Variants in LRP2 observed in about 807,000 individuals in gnomAD.
LRP2 encodes LDL receptor related protein 2, also known as low-density lipoprotein receptor-related protein 2.
LRP2 carries 172 observed loss-of-function variants against 531.0 expected under a neutral mutation model. That is an observed-to-expected ratio of 0.32 (90% confidence interval 0.29 to 0.37). The LOEUF is 0.37. Ranked by LOEUF, LRP2 falls within the 10% of genes least tolerant of loss-of-function variation. The pLI, the probability that LRP2 is intolerant of heterozygous loss-of-function variation, is 1.00. For synonymous variants in LRP2, 1,992 were observed against 2,027.6 expected (o/e 0.98, Z 0.47); for missense variants, 5,167 against 5,868.3 (o/e 0.88, Z 3.90).
In LRP2 at chr2:169,271,008, T is replaced by C. The variant is rs1683399681; in HGVS notation, c.2216A>G (p.Asn739Ser). 1.2e-6 allele frequency: 2 copies of C among 1,613,122 alleles called. No homozygotes were observed. Among genetic ancestry groups the C allele is most frequent in the African/African-American group, 2.7e-5 (2 of 74,802 alleles). ...ATCAATCCCGACAAAGAAAGAAGGA[T>C]TCCCCGAAACTGGAACCATGACATC... is the stretch of plus-strand genomic sequence containing the variant. ...QEDVMVPVSG[N>S]PSFFVGIDFD... Residue 739 changes from asparagine (N) to serine (S), a missense_variant, in exon 16 of 79, where the codon AAT becomes AGT. Asn to Ser is a conservative substitution (Grantham distance 46, BLOSUM62 1). This residue lies in a region of LRP2 where 2,811 missense variants were observed against 3,058.0 expected (regional missense o/e 0.92). Transcript: ENST00000649046.
intron 1 of LRP2, among the ~76,000 whole-genome samples, chr2:169,348,461 C>T (rs192826837): frequency 5.6e-4 from 85 of 152,290 alleles, no homozygotes; most frequent in Non-Finnish European, 7.6e-4. Flanking sequence ...GATGTTCTTT[C>T]CACCACAATC....
chr2:169,242,912 A>G (rs769972518), intron 24 of LRP2, 44 bp downstream of exon 24: 2 of 1,417,366 alleles, frequency 1.4e-6, no homozygotes, highest in African/African-American at 2.8e-5. Flanking sequence ...GGCAAAAATG[A>G]AATGACCCCT....
At chr2:169,176,117 T>A (rs1176177113) in intron 54 of LRP2, among the ~76,000 whole-genome samples, 1 of 152,242 alleles carries the variant, frequency 6.6e-6, no homozygotes, top group Non-Finnish European at 1.5e-5. Flanking sequence ...AGTATGTACT[T>A]ATATACACTC....
chr2:169,154,936 A>T (rs567556722), intron 65 of LRP2, among the ~76,000 whole-genome samples: 4 of 152,322 alleles, frequency 2.6e-5, no homozygotes, highest in African/African-American at 9.6e-5. Context: ...ATTTACTGAC[A>T]TCAAAACAGA....
At chr2:169,325,394 A>G (rs1477490451) in intron 1 of LRP2, among the ~76,000 whole-genome samples, 1 of 152,248 alleles carries the variant, frequency 6.6e-6, no homozygotes, top group Non-Finnish European at 1.5e-5. Flanking sequence ...AACAAATTTA[A>G]GAGGCAATTC....
At chr2:169,254,509 G>T (rs1381577863) in intron 19 of LRP2, among the ~76,000 whole-genome samples, 1 of 66,822 alleles carries the variant, frequency 1.5e-5, no homozygotes, top group Non-Finnish European at 2.7e-5. Context: ...CGGGGGAGGG[G>T]GGAGGGATAG....
intron 43 of LRP2, 98 bp from the exon 44 acceptor site, chr2:169,201,968 A>T: frequency 6.6e-7 from 1 of 1,511,872 alleles, no homozygotes. Flanking sequence ...CTTTGAATTT[A>T]CCTTCCAAGG....
At position 169,162,575 on chromosome 2, in the gene LRP2, A is replaced by G. The variant is rs990522359; in HGVS notation, c.11784T>C (p.Cys3928=). The G allele has an allele frequency of 1.9e-6, 3 of 1,614,092 alleles. No homozygotes were observed. The African/African-American group carries it at 4.0e-5, about 22-fold the overall frequency. ...TGCCACACTTATATTCATATTCTGT[A>G]CAAGGTTTAGGGGTCGGTTTTCTAC... The part of the protein sequence containing the change: ...EHCRKPTPKP[C]TEYEYKCGNG... The change falls in exon 63 of 79, where the codon TGT becomes TGC. Residue 3928 remains cysteine, a synonymous_variant. Coordinates refer to ENST00000649046, the MANE Select transcript of LRP2 (RefSeq NM_004525.3).
chr2:169,137,476 C>T lies in LRP2; in HGVS notation c.13536G>A (p.Met4512Ile). 2.5e-6 allele frequency: 4 copies of T among 1,610,380 alleles called. No individual in the cohort carries two copies. The highest frequency in any genetic ancestry group is 3.4e-6 in the Non-Finnish European group (4 of 1,176,806). ...ATATTATGGGCTGCTTCCCCATTTC[C>T]ATGACAAAGTCTTCACTCTGATGGC... ...RSMAMSEDFVMEMGKQPIIFE... is the reference protein window; with the variant it reads ...RSMAMSEDFVIEMGKQPIIFE... The change falls in exon 76 of 79, where the codon ATG (methionine) becomes ATA (isoleucine). Residue 4512 changes from methionine (M) to isoleucine (I), a missense_variant. By Grantham distance (10) the Met-to-Ile change is conservative (BLOSUM62 1). Coordinates refer to ENST00000649046, the MANE Select transcript of LRP2 (RefSeq NM_004525.3).
intron 54 of LRP2, 147 bp downstream of exon 54, chr2:169,176,264 G>A: frequency 1.2e-6 from 1 of 831,258 alleles, no homozygotes; most frequent in Non-Finnish European, 2.0e-6. Context: ...GAAGTTGGAG[G>A]CTGAGAGTCT....
chr2:169,323,855 A>G (rs1044158267), intron 1 of LRP2, among the ~76,000 whole-genome samples: 1 of 324 alleles, frequency 3.1e-3, no homozygotes, highest in African/African-American at 3.8e-3. Flanking sequence ...TGCCTGATTA[A>G]AAAAAAAAAA....
intron 1 of LRP2, among the ~76,000 whole-genome samples, chr2:169,337,825 G>A (rs1685446723): frequency 6.6e-6 from 1 of 152,158 alleles, no homozygotes; most frequent in African/African-American, 2.4e-5. Context: ...ACAGACTTGA[G>A]GCCAGGTAAG....
At chr2:169,170,385 A>G (rs1485876894) in intron 59 of LRP2, among the ~76,000 whole-genome samples, 166 bp downstream of exon 59, 1 of 152,230 alleles carries the variant, frequency 6.6e-6, no homozygotes, top group East Asian at 1.9e-4. Context: ...TGAGTTAAGA[A>G]TAATGCATAG....
intron 1 of LRP2, among the ~76,000 whole-genome samples, chr2:169,356,462 T>G (rs998035034): frequency 6.6e-6 from 1 of 152,208 alleles, no homozygotes; most frequent in African/African-American, 2.4e-5. Context: ...GACTTCACAG[T>G]TTATTAAACA....
rs1685150034 is a variant in LRP2, at chr2:169,127,852, C to T, written c.*811G>A. The T allele has an allele frequency of 6.6e-6, 1 of 152,016 alleles. No homozygotes were observed. The highest frequency in any genetic ancestry group is 1.5e-5 in the Non-Finnish European group (1 of 68,004). The allele number at this position is 152,016 out of a possible 1,614,324, so 9.4% of individuals were successfully genotyped here. ...TAGGGCAGGTGACCACCTTGAATGT[C>T]AGGTGAGGGGAGAAATTGCTCCAGG... On this transcript the variant is annotated 3_prime_UTR_variant, in exon 79 of 79. Coordinates refer to ENST00000649046, the MANE Select transcript of LRP2 (RefSeq NM_004525.3).
chr2:169,339,235 C>G (rs1312415407), intron 1 of LRP2, among the ~76,000 whole-genome samples: 1 of 151,946 alleles, frequency 6.6e-6, no homozygotes, highest in African/African-American at 2.4e-5. Flanking sequence ...GCTAATTCCC[C>G]CAAAAGCTAA....
Position 169,289,121 on chromosome 2 carries a change from T to A in LRP2, c.947A>T (p.Asn316Ile). The change falls in exon 9 of 79, where the codon AAC becomes ATC. Residue 316 changes from asparagine (N) to isoleucine (I), a missense_variant. This residue lies in a region of LRP2 where 2,811 missense variants were observed against 3,058.0 expected (regional missense o/e 0.92). Coordinates refer to ENST00000649046, the MANE Select transcript of LRP2 (RefSeq NM_004525.3). ...YCSMTLCSAL[N>I]CQYQCHETPY... ...CGTCTCATGGCACTGGTACTGGCAG[T>A]TCAAGGCAGAGCACAGAGTCATACC... The A allele has an allele frequency of 6.2e-7, 1 of 1,614,090 alleles. No homozygotes were observed. The highest frequency in any genetic ancestry group is 8.5e-7 in the Non-Finnish European group (1 of 1,179,976).
rs79399342 is a variant in LRP2, at chr2:169,201,408, T to G, written c.8452+220A>C. Among the ~76,000 whole-genome samples, 8,441 of 152,282 alleles carry G rather than the reference T, an allele frequency of 0.055. 403 individuals are homozygous for G. The highest frequency in any genetic ancestry group is 0.13 in the African/African-American group (5,415 of 41,536). On this transcript the variant is annotated intron_variant, in intron 44 of 78. Coordinates refer to ENST00000649046, the MANE Select transcript of LRP2 (RefSeq NM_004525.3). ...TCCAAAATGTTATCAGTGAAGTGCA[T>G]GACTAGGAGTCACTTTAAAATACTA...
chr2:169,212,084 T>C lies in LRP2; in HGVS notation c.6164A>G (p.Asn2055Ser). 6.2e-7 allele frequency: 1 copy of C among 1,614,036 alleles called. No individual in the cohort carries two copies. The highest frequency in any genetic ancestry group is 1.1e-5 in the South Asian group (1 of 91,080). Residue 2055 changes from asparagine (N) to serine (S), a missense_variant, in exon 37 of 79, where the codon AAT becomes AGT. By Grantham distance (46) the Asn-to-Ser change is conservative. This residue lies in a region of LRP2 where 2,811 missense variants were observed against 3,058.0 expected (regional missense o/e 0.92). Coordinates refer to ENST00000649046, the MANE Select transcript of LRP2 (RefSeq NM_004525.3). The stretch of plus-strand genomic sequence containing the variant: ...AGAGTTATATGGAGAGCAGGACCGA[T>C]TATCAGGATTGAGTTTAAATCCAGT... Reference protein sequence around the residue: ...CATGFKLNPDNRSCSPYNSFI... With the variant: ...CATGFKLNPDSRSCSPYNSFI...
Sources: gnomAD v4.1 joint callset for allele counts (sites outside exome capture counted in the v4.1 genomes callset) on GRCh38, gnomAD v4.1.1 for gene constraint, gnomAD v4.1.1 regional missense constraint, MANE v1.5 for transcripts, NCBI Gene and HGNC (gene_info 2026-07-23, HGNC 2026-07-21) for gene names.